The following LGSN variants were observed in gnomAD, a reference collection of about 807,000 sequenced individuals.
The protein encoded by LGSN is lengsin.
In LGSN, 21 loss-of-function variants were observed where a neutral mutation model predicts 19.5. The observed-to-expected ratio is 1.07, with a 90% CI of 0.76 to 1.55. The LOEUF (loss-of-function observed/expected upper bound fraction) is 1.55. LGSN is among the 40% of genes most tolerant of loss of function. LGSN has a pLI of 0.00. For missense variants in LGSN, 673 were observed against 608.5 expected, an observed-to-expected ratio of 1.11 and a Z score of -1.12; for synonymous variants, 257 against 215.6, an observed-to-expected ratio of 1.19 and a Z score of -1.68.
chr6:63,495,469 T>TTTTTTTTTTTTTTTTTTTTTTTTTTTTTG, the LGSN span, among the ~76,000 whole-genome samples: 187 of 119,292 alleles, frequency 1.6e-3, no homozygotes, highest in Non-Finnish European at 2.1e-3. Context: ...TTTTTTTTTT[T>TTTTTTTTTTTTTTTTTTTTTTTTTTTTTG]TTTTTTTGAG....
chr6:63,506,996 A>G, the LGSN span, among the ~76,000 whole-genome samples: 1 of 152,100 alleles, frequency 6.6e-6, no homozygotes. Flanking sequence ...AAGATGGGAG[A>G]GCCAATATGA....
the LGSN span, among the ~76,000 whole-genome samples, chr6:63,430,099 A>T: frequency 6.6e-6 from 1 of 152,182 alleles, no homozygotes; most frequent in African/African-American, 2.4e-5. Context: ...CAGGTCAAAC[A>T]AGAGATGTGA....
At chr6:63,451,705 G>A in the LGSN span, among the ~76,000 whole-genome samples, 1 of 151,704 alleles carries the variant, frequency 6.6e-6, no homozygotes. Flanking sequence ...CATGACACAA[G>A]TTTACCTATG....
At chr6:63,555,612 G>A in the LGSN span, among the ~76,000 whole-genome samples, 1 of 151,028 alleles carries the variant, frequency 6.6e-6, no homozygotes, top group African/African-American at 2.5e-5. Context: ...TATCAGCTTT[G>A]TATTACCAAA....
the LGSN span, among the ~76,000 whole-genome samples, chr6:63,331,866 T>C: frequency 1.3e-5 from 2 of 152,080 alleles, no homozygotes; most frequent in Non-Finnish European, 2.9e-5. Flanking sequence ...TAGTGGCCCA[T>C]ACCGACGCAT....
At chr6:63,428,022 C>T in the LGSN span, among the ~76,000 whole-genome samples, 16 of 152,122 alleles carry the variant, frequency 1.1e-4, no homozygotes, top group Admixed American at 6.5e-4. Context: ...AATTAAATTA[C>T]GCTGTTTTTA....
the LGSN span, among the ~76,000 whole-genome samples, chr6:63,361,712 T>C: frequency 6.6e-6 from 1 of 152,018 alleles, no homozygotes; most frequent in Non-Finnish European, 1.5e-5. Context: ...GGTACCTCAG[T>C]TGGAAATGCA....
intron 1 of LGSN, among the ~76,000 whole-genome samples, chr6:63,301,116 C>A (rs999979184): frequency 2.6e-5 from 4 of 152,022 alleles, no homozygotes; most frequent in Non-Finnish European, 4.4e-5. Flanking sequence ...CACAGTGAAA[C>A]CCCATCTCTA....
At chr6:63,420,066 GA>G in the LGSN span, among the ~76,000 whole-genome samples, 1 of 151,780 alleles carries the variant, frequency 6.6e-6, no homozygotes, top group Admixed American at 6.6e-5. Flanking sequence ...AGCTGGGCAT[GA>G]TGGCAGGCTC....
chr6:63,421,585 G>A, the LGSN span, among the ~76,000 whole-genome samples: 1 of 151,856 alleles, frequency 6.6e-6, no homozygotes, highest in African/African-American at 2.4e-5. Context: ...AAAATTAGCT[G>A]GGTGTGGTGG....
chr6:63,412,538 GAAAGAAAGAAA>G, the LGSN span, among the ~76,000 whole-genome samples: 1 of 111,890 alleles, frequency 8.9e-6, no homozygotes, highest in Non-Finnish European at 1.8e-5. Context: ...AGGAAAGAAA[GAAAGAAAGAAA>G]GAAAGAAAGA....
the LGSN span, among the ~76,000 whole-genome samples, chr6:63,560,166 C>T: frequency 4.0e-5 from 6 of 151,706 alleles, no homozygotes; most frequent in East Asian, 1.2e-3. Flanking sequence ...GGGGAAACCC[C>T]GTCTCTACTA....
the LGSN span, among the ~76,000 whole-genome samples, chr6:63,495,979 T>C: frequency 1.3e-5 from 2 of 151,830 alleles, no homozygotes; most frequent in Non-Finnish European, 2.9e-5. Context: ...CAGGCTGGAG[T>C]GCAGTGGTGT....
At chr6:63,564,964 T>C in the LGSN span, among the ~76,000 whole-genome samples, 18 of 152,336 alleles carry the variant, frequency 1.2e-4, no homozygotes, top group Non-Finnish European at 2.4e-4. Flanking sequence ...CCTTTCAGCA[T>C]GCAAATGAAA....
the LGSN span, among the ~76,000 whole-genome samples, chr6:63,510,886 G>T: frequency 2.0e-5 from 3 of 151,934 alleles, no homozygotes; most frequent in African/African-American, 4.8e-5. Context: ...GTTGGCCAGG[G>T]CTGGTCTTAA....
At chr6:63,528,600 C>T in the LGSN span, among the ~76,000 whole-genome samples, 156 of 151,826 alleles carry the variant, frequency 1.0e-3, 2 homozygotes, top group Non-Finnish European at 2.5e-4. Context: ...CCATGAAAAA[C>T]TAGCCAGGCA....
At chr6:63,458,242 T>C in the LGSN span, among the ~76,000 whole-genome samples, 1 of 152,046 alleles carries the variant, frequency 6.6e-6, no homozygotes, top group Non-Finnish European at 1.5e-5. Flanking sequence ...TAATTTTGTA[T>C]TTTTAGTATA....
At chr6:63,337,122 A>T in the LGSN span, among the ~76,000 whole-genome samples, 79 of 149,488 alleles carry the variant, frequency 5.3e-4, no homozygotes, top group African/African-American at 1.9e-3. Flanking sequence ...ACGGGGTTTC[A>T]CCATGTTGGC....
At chr6:63,541,137 T>C in the LGSN span, among the ~76,000 whole-genome samples, 1 of 152,124 alleles carries the variant, frequency 6.6e-6, no homozygotes, top group African/African-American at 2.4e-5. Flanking sequence ...CTGAGCTCTA[T>C]ATAGTTTAAA....
Sources: allele counts gnomAD v4.1 joint callset (sites outside exome capture counted in the v4.1 genomes callset), GRCh38; gene constraint gnomAD v4.1.1; transcripts MANE v1.5; gene names NCBI Gene and HGNC (gene_info 2026-07-23, HGNC 2026-07-21).